KNL1: variants seen among roughly 807,000 people sequenced by gnomAD.
KNL1 encodes kinetochore scaffold 1.
A neutral mutation model predicts 201.3 loss-of-function variants in KNL1; 66 were observed. That is an observed-to-expected ratio of 0.33 (90% CI 0.27 to 0.40). KNL1 has a LOEUF of 0.40. Among genes scored for constraint, KNL1 ranks in the 10% least tolerant of loss-of-function variants. The probability of loss-of-function intolerance (pLI) is 1.00; values close to 1 mark genes in which losing one functional copy is unlikely to be tolerated. For synonymous variants in KNL1, 895 were observed against 899.2 expected (o/e 1.00, Z 0.08); for missense variants, 2,815 against 2,690.5 (o/e 1.05, Z -1.02).
At chr15:40,650,917 A>G (rs558850692) in intron 19 of KNL1, among the ~76,000 whole-genome samples, 9 of 152,316 alleles carry the variant, frequency 5.9e-5, no homozygotes, top group African/African-American at 2.2e-4. Flanking sequence ...AGTGTAAAAG[A>G]AAGTAAATAG....
chr15:40,622,572 G>T lies in KNL1; in HGVS notation c.2308G>T (p.Val770Phe). ...TATGGATCTAACAAAGAGCCACACT[G>T]TCGTCATTGGATTTGGTCCTTCTGA... ...QNMDLTKSHT[V>F]VIGFGPSELQ... Residue 770 changes from valine to phenylalanine, a missense_variant, in exon 10 of 26, where the codon GTC becomes TTC. Coordinates refer to ENST00000399668, the MANE Select transcript of KNL1 (RefSeq NM_144508.5). The T allele has an allele frequency of 6.2e-7, 1 of 1,612,890 alleles. No homozygotes were observed. Among genetic ancestry groups the T allele is most frequent in the Non-Finnish European group, 8.5e-7 (1 of 1,179,538 alleles).
At chr15:40,640,098 C>CTTTTTTT (rs544723388) in intron 13 of KNL1, among the ~76,000 whole-genome samples, 4 of 124,506 alleles carry the variant, frequency 3.2e-5, no homozygotes, top group African/African-American at 1.2e-4. Flanking sequence ...TTTTTCTTTT[C>CTTTTTTT]TTTTTTTTTT....
In KNL1 at chr15:40,622,571, TGTC is replaced by T; in HGVS notation, c.2311_2313del (p.Val771del). 6 of 1,613,056 alleles carry T rather than the reference TGTC, an allele frequency of 3.7e-6. No homozygotes were observed. The highest frequency in any genetic ancestry group is 5.1e-6 in the Non-Finnish European group (6 of 1,179,594). On this transcript the variant is annotated inframe_deletion, in exon 10 of 26. Transcript: ENST00000399668. Reference sequence around the variant, plus strand: ...ATATGGATCTAACAAAGAGCCACACTGTCGTCATTGGATTTGGTCCTTCTGAAC... The same window carrying T: ...ATATGGATCTAACAAAGAGCCACACTGTCATTGGATTTGGTCCTTCTGAAC...
At chr15:40,633,199 C>T (rs1219155006) in intron 13 of KNL1, among the ~76,000 whole-genome samples, 12 of 151,520 alleles carry the variant, frequency 7.9e-5, no homozygotes, top group East Asian at 1.9e-4. Context: ...CATGATGGCG[C>T]GTGCCTGGAG....
intron 9 of KNL1, among the ~76,000 whole-genome samples, 194 bp from the exon 10 acceptor site, chr15:40,620,446 C>G (rs955211576): frequency 6.6e-6 from 1 of 152,074 alleles, no homozygotes; most frequent in African/African-American, 2.4e-5. Flanking sequence ...CTCCTGCCCT[C>G]GTGATCCACC....
intron 22 of KNL1, among the ~76,000 whole-genome samples, chr15:40,655,340 T>A (rs1318635824): frequency 6.6e-6 from 1 of 151,936 alleles, no homozygotes; most frequent in Non-Finnish European, 1.5e-5. Flanking sequence ...ATGCTTGTAA[T>A]CCCAGCACTT....
intron 13 of KNL1, among the ~76,000 whole-genome samples, chr15:40,637,398 G>A (rs1205926942): frequency 1.4e-5 from 2 of 138,414 alleles, no homozygotes; most frequent in African/African-American, 5.4e-5. Context: ...CTTTACCGTT[G>A]TAATTCCATT....
chr15:40,637,178 T>G (rs1893080477), intron 13 of KNL1, among the ~76,000 whole-genome samples: 1 of 151,042 alleles, frequency 6.6e-6, no homozygotes, highest in Non-Finnish European at 1.5e-5. Flanking sequence ...TTTCTTTCTT[T>G]TTTTTTTTTT....
chr15:40,621,477 G>T lies in KNL1; in HGVS notation c.1213G>T (p.Asp405Tyr), dbSNP rs760023995. 1.2e-6 allele frequency: 2 copies of T among 1,613,718 alleles called. No individual in the cohort carries two copies. Among genetic ancestry groups the T allele is most frequent in the African/African-American group, 1.3e-5 (1 of 74,890 alleles). The change falls in exon 10 of 26, where the codon GAT (aspartate) becomes TAT (tyrosine). Residue 405 changes from aspartate to tyrosine, a missense_variant. Transcript: ENST00000399668. The stretch of plus-strand genomic sequence containing the variant: ...CATAGTCTCACAGACTTGTAATCAG[G>T]ATGCCAGAATATTAGCCATGACCCC... ...THIVSQTCNQ[D>Y]ARILAMTPES... is the part of the protein sequence containing the mutation.
chr15:40,650,169 C>A, intron 17 of KNL1, 132 bp from the exon 18 acceptor site: 1 of 580,102 alleles, frequency 1.7e-6, no homozygotes, highest in South Asian at 2.5e-5. Context: ...AACTTCTGAA[C>A]TTCCTACTAC....
intron 13 of KNL1, among the ~76,000 whole-genome samples, chr15:40,640,178 C>T (rs1893184968): frequency 6.7e-6 from 1 of 148,792 alleles, no homozygotes; most frequent in East Asian, 2.0e-4. Context: ...CTCACTGCAG[C>T]CTACACCTCC....
intron 6 of KNL1, among the ~76,000 whole-genome samples, chr15:40,611,134 T>G (rs572664245): frequency 5.0e-4 from 76 of 152,046 alleles, no homozygotes; most frequent in African/African-American, 1.8e-3. Context: ...AGACAGAGTC[T>G]TGCTTGCCCT....
chr15:40,621,421 C>T lies in KNL1; in HGVS notation c.1157C>T (p.Thr386Ile). 6.2e-7 allele frequency: 1 copy of T among 1,613,466 alleles called. No individual in the cohort carries two copies. The highest frequency in any genetic ancestry group is 8.5e-7 in the Non-Finnish European group (1 of 1,179,780). The change falls in exon 10 of 26, where the codon ACC becomes ATC. Residue 386 changes from threonine (T) to isoleucine (I), a missense_variant. By Grantham distance (89) the Thr-to-Ile change is moderately conservative (BLOSUM62 -1). Transcript: ENST00000399668. Reference protein sequence around the residue: ...SINSADKIHITRSHIMGAETH... With the variant: ...SINSADKIHIIRSHIMGAETH... ...AACTCTGCAGACAAAATACATATTA[C>T]CAGAAGTCATATTATGGGGGCAGAA...
rs1893927830 is a variant in KNL1 at position 40,662,114 on chromosome 15, G to A, written c.6877G>A (p.Glu2293Lys). The change falls in exon 26 of 26, where the codon GAG (glutamate) becomes AAG (lysine). Residue 2293 changes from glutamate to lysine, a missense_variant. Physicochemically the swap from Glu to Lys is moderately conservative, Grantham distance 56. Transcript: ENST00000399668. Reference sequence around the variant, plus strand: ...TACCATTCTATCTAAAGTGCCACTGGAGAACAACTACCTGAAGAATGTAGT... The same window carrying A: ...TACCATTCTATCTAAAGTGCCACTGAAGAACAACTACCTGAAGAATGTAGT... ...IATILSKVPL[E>K]NNYLKNVVKQ... is the part of the protein sequence containing the mutation. 3.7e-6 allele frequency: 6 copies of A among 1,612,244 alleles called. No individual in the cohort carries two copies. The highest frequency in any genetic ancestry group is 5.1e-6 in the Non-Finnish European group (6 of 1,178,354).
chr15:40,660,305 T>C (rs1053742205), intron 25 of KNL1, among the ~76,000 whole-genome samples: 5 of 152,052 alleles, frequency 3.3e-5, no homozygotes, highest in African/African-American at 1.2e-4. Context: ...ACCTAAAACA[T>C]GAATCAAGAA....
intron 6 of KNL1, 92 bp downstream of exon 6, chr15:40,610,389 A>T: frequency 1.4e-6 from 1 of 719,034 alleles, no homozygotes; most frequent in Non-Finnish European, 2.5e-6. Context: ...CTTATTGTCT[A>T]TCTTATTGCT....
Position 40,623,339 on chromosome 15 carries a change from G to C in KNL1, c.3075G>C (p.Arg1025Ser), listed in dbSNP as rs770773733. ...LTPLEEWSNN[R>S]GPVEVADNME... ...CTCTGGAGGAATGGTCTAATAATAG[G>C]GGCCCTGTAGAGGTAGCTGATAACA... Residue 1025 changes from arginine to serine, a missense_variant, in exon 10 of 26, where the codon AGG becomes AGC. This residue lies in a region of KNL1 where 2,464 missense variants were observed against 2,291.7 expected (regional missense o/e 1.08). Coordinates refer to ENST00000399668, the MANE Select transcript of KNL1 (RefSeq NM_144508.5). The C allele has an allele frequency of 1.7e-5, 27 of 1,613,912 alleles. No homozygotes were observed. Among genetic ancestry groups the C allele is most frequent in the Non-Finnish European group, 2.2e-5 (26 of 1,179,910 alleles).
At chr15:40,650,180 C>A in intron 17 of KNL1, 121 bp from the exon 18 acceptor site, 1 of 658,942 alleles carries the variant, frequency 1.5e-6, no homozygotes. Flanking sequence ...TTCCTACTAC[C>A]AAAGAAACAA....
intron 10 of KNL1, among the ~76,000 whole-genome samples, chr15:40,627,244 G>C (rs902368645): frequency 6.6e-6 from 1 of 152,226 alleles, no homozygotes; most frequent in African/African-American, 2.4e-5. Context: ...GCCAGGCGCG[G>C]TAGCTCATGC....
Sources: allele counts gnomAD v4.1 joint callset (sites outside exome capture counted in the v4.1 genomes callset), GRCh38; gene constraint gnomAD v4.1.1; regional missense constraint gnomAD v4.1.1; transcripts MANE v1.5; gene names NCBI Gene and HGNC (gene_info 2026-07-23, HGNC 2026-07-21).